Variants in SLC9C1 observed in about 807,000 individuals in gnomAD.
SLC9C1 encodes solute carrier family 9 member C1.
SLC9C1 carries 97 observed loss-of-function variants against 140.9 expected under a neutral mutation model. That is an observed-to-expected ratio of 0.69 (90% CI 0.58 to 0.82). SLC9C1 has a LOEUF of 0.82. Among genes scored for constraint, SLC9C1 ranks in the 40% least tolerant of loss-of-function variants. The pLI, the probability that SLC9C1 is intolerant of heterozygous loss-of-function variation, is 0.00. For synonymous variants in SLC9C1, 440 were observed against 442.6 expected, an observed-to-expected ratio of 0.99 and a Z score of 0.07; for missense variants, 1,340 against 1,389.3, an observed-to-expected ratio of 0.96 and a Z score of 0.56.
intron 19 of SLC9C1, 41 bp downstream of exon 19, chr3:112,200,670 G>A: frequency 6.4e-7 from 1 of 1,572,820 alleles, no homozygotes. Context: ...AAGTGGTGAT[G>A]ATAAGAGATG....
Position 112,278,782 on chromosome 3 carries a change from A to T in SLC9C1, c.265T>A (p.Phe89Ile). 1.9e-6 allele frequency: 3 copies of T among 1,611,136 alleles called. No individual in the cohort carries two copies. Among genetic ancestry groups the T allele is most frequent in the Non-Finnish European group, 2.5e-6 (3 of 1,178,728 alleles). The change falls in exon 4 of 29, where the codon TTT (phenylalanine) becomes ATT (isoleucine). Residue 89 changes from phenylalanine (F) to isoleucine (I), a missense_variant. Transcript: ENST00000305815. ...GTATCCATGTCAAATGCAGTAGTAA[A>T]GAAAACTACTGGTGTAAATATACGA... ...FFRIFTPVVF[F>I]TTAFDMDTYM...
At chr3:112,262,828 T>C (rs2079811862) in intron 10 of SLC9C1, 96 bp downstream of exon 10, 1 of 1,108,238 alleles carries the variant, frequency 9.0e-7, no homozygotes, top group East Asian at 3.1e-5. Context: ...ACATCCCAAG[T>C]GAAGTTGAGC....
chr3:112,150,841 T>TATATATATA (rs1491261631), intron 28 of SLC9C1, among the ~76,000 whole-genome samples: 34 of 34,556 alleles, frequency 9.8e-4, no homozygotes, highest in African/African-American at 5.4e-3. Flanking sequence ...TATATATATA[T>TATATATATA]TTTTTTTTTT....
chr3:112,262,959 C>A lies in SLC9C1; in HGVS notation c.1162G>T (p.Asp388Tyr). The A allele has an allele frequency of 6.3e-7, 1 of 1,584,348 alleles. No individual in the cohort carries two copies. Among genetic ancestry groups the A allele is most frequent in the Non-Finnish European group, 8.5e-7 (1 of 1,170,164 alleles). The change falls in exon 10 of 29, where the codon GAT becomes TAT. Residue 388 changes from aspartate to tyrosine, a missense_variant. Asp to Tyr is a radical substitution (Grantham distance 160). Transcript: ENST00000305815. ...TCTTTGTCAGATCCAAAATAAAGAT[C>A]AGAGTAGGCAAGCAGAAGGGCCATG... is the stretch of plus-strand genomic sequence containing the variant. ...INMALLLAYS[D>Y]LYFGSDKEKS...
chr3:112,166,559 G>A (rs915952860), intron 26 of SLC9C1, among the ~76,000 whole-genome samples: 2 of 151,998 alleles, frequency 1.3e-5, no homozygotes, highest in African/African-American at 4.8e-5. Context: ...AATTGTCTTT[G>A]GTTGATCTCT....
chr3:112,274,794 T>G, intron 6 of SLC9C1, 103 bp downstream of exon 6: 1 of 1,123,460 alleles, frequency 8.9e-7, no homozygotes, highest in African/African-American at 1.6e-5. Context: ...CACTATTATA[T>G]TCCTACAAAT....
chr3:112,154,058 T>C (rs1007411305), intron 27 of SLC9C1, among the ~76,000 whole-genome samples: 5 of 147,326 alleles, frequency 3.4e-5, no homozygotes, highest in Non-Finnish European at 7.4e-5. Flanking sequence ...TTATTCAACA[T>C]ATATTTGTGA....
chr3:112,245,450 A>C (rs368822809), intron 10 of SLC9C1, among the ~76,000 whole-genome samples: 2 of 151,922 alleles, frequency 1.3e-5, no homozygotes, highest in East Asian at 3.9e-4. Context: ...TTCTAAGTGA[A>C]TCCAGTAGTT....
intron 12 of SLC9C1, among the ~76,000 whole-genome samples, chr3:112,233,519 A>G (rs1181324660): frequency 6.6e-6 from 1 of 152,134 alleles, no homozygotes; most frequent in Non-Finnish European, 1.5e-5. Context: ...TCTAGGGTAC[A>G]TGTGCACAAT....
intron 11 of SLC9C1, 77 bp downstream of exon 11, chr3:112,243,914 ATTCT>A (rs2079204589): frequency 9.6e-7 from 1 of 1,041,588 alleles, no homozygotes; most frequent in East Asian, 2.6e-5. Context: ...CTGTATATGG[ATTCT>A]TTCTTTATTA....
At chr3:112,218,347 A>G (rs1403696360) in intron 14 of SLC9C1, among the ~76,000 whole-genome samples, 2 of 152,028 alleles carry the variant, frequency 1.3e-5, no homozygotes, top group Non-Finnish European at 2.9e-5. Context: ...CCTACCTTAT[A>G]ATGTGGCTTA....
intron 6 of SLC9C1, among the ~76,000 whole-genome samples, chr3:112,274,304 A>G (rs1423551462): frequency 1.3e-5 from 2 of 152,136 alleles, no homozygotes; most frequent in African/African-American, 4.8e-5. Flanking sequence ...TATAATATAC[A>G]TATATCATTT....
chr3:112,285,899 G>A (rs988738256), intron 2 of SLC9C1, among the ~76,000 whole-genome samples: 12 of 152,082 alleles, frequency 7.9e-5, no homozygotes, highest in African/African-American at 1.9e-4. Context: ...CTGAGTAGGC[G>A]GGACTACTGG....
At chr3:112,183,606 C>G (rs1461076121) in intron 20 of SLC9C1, among the ~76,000 whole-genome samples, 1 of 148,326 alleles carries the variant, frequency 6.7e-6, no homozygotes, top group East Asian at 2.0e-4. Flanking sequence ...AACCAACATG[C>G]CCTGGAGAAA....
chr3:112,283,081 G>T (rs1276262063), intron 2 of SLC9C1, among the ~76,000 whole-genome samples: 2 of 152,194 alleles, frequency 1.3e-5, no homozygotes, highest in East Asian at 3.8e-4. Flanking sequence ...GGTACTGGCT[G>T]CTATGGAAAA....
intron 12 of SLC9C1, among the ~76,000 whole-genome samples, chr3:112,234,099 A>G (rs148290007): frequency 0.59 from 89,871 of 151,974 alleles, 27,099 homozygotes; most frequent in East Asian, 0.79. Context: ...TCCCACCAAC[A>G]GTGTAAAAGT....
At chr3:112,201,446 A>G (rs1238903090) in intron 18 of SLC9C1, among the ~76,000 whole-genome samples, 1 of 152,058 alleles carries the variant, frequency 6.6e-6, no homozygotes, top group Non-Finnish European at 1.5e-5. Flanking sequence ...GGAAGATACT[A>G]CTTTTTGTGT....
At chr3:112,186,782 C>T (rs2077549129) in intron 20 of SLC9C1, among the ~76,000 whole-genome samples, 1 of 152,100 alleles carries the variant, frequency 6.6e-6, no homozygotes, top group Admixed American at 6.6e-5. Context: ...GAAAAAGAGT[C>T]CAGAAACTTA....
chr3:112,274,831 T>C (rs2080169357), intron 6 of SLC9C1, 66 bp downstream of exon 6: 3 of 1,342,312 alleles, frequency 2.2e-6, no homozygotes, highest in Non-Finnish European at 3.0e-6. Context: ...TATTACAAAA[T>C]ACACATCAGC....
Sources: allele counts gnomAD v4.1 joint callset (sites outside exome capture counted in the v4.1 genomes callset), GRCh38; gene constraint gnomAD v4.1.1; transcripts MANE v1.5; gene names NCBI Gene and HGNC (gene_info 2026-07-23, HGNC 2026-07-21).